The following SLC8A1 variants were observed in gnomAD, a reference collection of about 807,000 sequenced individuals.
The protein encoded by SLC8A1 is solute carrier family 8 member A1.
SLC8A1 carries 18 observed loss-of-function variants against 68.3 expected under a neutral mutation model. The observed-to-expected ratio is 0.26, with a 90% CI of 0.18 to 0.39. The LOEUF (loss-of-function observed/expected upper bound fraction) is 0.39. SLC8A1 is among the 10% of genes least tolerant of loss of function. SLC8A1 has a pLI of 1.00. For synonymous variants in SLC8A1, 475 were observed against 415.5 expected (o/e 1.14, Z -1.74); for missense variants, 985 against 1,156.7 (o/e 0.85, Z 2.15).
chr2:40,440,103 T>C (rs1178570562), intron 1 of SLC8A1, among the ~76,000 whole-genome samples: 1 of 152,150 alleles, frequency 6.6e-6, no homozygotes, highest in Non-Finnish European at 1.5e-5. Context: ...TACAGAAATC[T>C]AGTAGAGAAA....
intron 2 of SLC8A1, among the ~76,000 whole-genome samples, chr2:40,315,730 G>A (rs2074355630): frequency 6.6e-6 from 1 of 151,954 alleles, no homozygotes. Flanking sequence ...TAGCTAAAGT[G>A]CAATCATCTT....
intron 2 of SLC8A1, among the ~76,000 whole-genome samples, chr2:40,334,614 C>A (rs1665339327): frequency 6.6e-6 from 1 of 152,084 alleles, no homozygotes; most frequent in African/African-American, 2.4e-5. Context: ...ACTAAAAGGG[C>A]AGGAATCATG....
chr2:40,289,862 AAAATTAAATTAAATT>A (rs201875232), intron 2 of SLC8A1, among the ~76,000 whole-genome samples: 4 of 151,718 alleles, frequency 2.6e-5, no homozygotes, highest in African/African-American at 9.7e-5. Context: ...CTCAGTCTCA[AAAATTAAATTAAATT>A]AAATTAAATT....
chr2:40,185,048 C>T (rs1395400005), intron 2 of SLC8A1, among the ~76,000 whole-genome samples: 3 of 152,058 alleles, frequency 2.0e-5, no homozygotes, highest in East Asian at 1.9e-4. Context: ...GAAATCAAAG[C>T]ATCTGGGAGA....
chr2:40,312,549 A>G (rs997124132), intron 2 of SLC8A1, among the ~76,000 whole-genome samples: 5 of 152,132 alleles, frequency 3.3e-5, no homozygotes, highest in African/African-American at 1.2e-4. Flanking sequence ...TATAAATATA[A>G]ATAAAATATA....
intron 1 of SLC8A1, among the ~76,000 whole-genome samples, chr2:40,493,287 T>C (rs1705444556): frequency 7.3e-6 from 1 of 136,968 alleles, no homozygotes. Context: ...TAGGTGGGAA[T>C]TGAACAATGA....
chr2:40,185,168 A>G (rs981757644), intron 2 of SLC8A1, among the ~76,000 whole-genome samples: 1 of 152,224 alleles, frequency 6.6e-6, no homozygotes, highest in Non-Finnish European at 1.5e-5. Context: ...TAGGAATGTA[A>G]AATAATGCAG....
intron 1 of SLC8A1, among the ~76,000 whole-genome samples, chr2:40,434,302 T>C (rs1698976391): frequency 6.6e-6 from 1 of 152,226 alleles, no homozygotes; most frequent in Non-Finnish European, 1.5e-5. Flanking sequence ...ATGTAGCTTA[T>C]TGGCAATGAA....
chr2:40,287,779 G>C (rs2068590930), intron 2 of SLC8A1, among the ~76,000 whole-genome samples: 1 of 151,854 alleles, frequency 6.6e-6, no homozygotes, highest in Non-Finnish European at 1.5e-5. Context: ...GAGACATCCT[G>C]GTCCTAGAGG....
intron 7 of SLC8A1, among the ~76,000 whole-genome samples, chr2:40,115,964 G>A (rs2035261809): frequency 2.0e-5 from 3 of 152,312 alleles, no homozygotes; most frequent in Non-Finnish European, 4.4e-5. Flanking sequence ...TCAGAATCAA[G>A]TGGGGTCCTT....
intron 1 of SLC8A1, among the ~76,000 whole-genome samples, chr2:40,449,181 C>CA (rs5830628): frequency 0.25 from 37,226 of 147,682 alleles, 4,947 homozygotes; most frequent in East Asian, 0.48. Context: ...AAAACAACAA[C>CA]AAAAAAAAAC....
chr2:40,220,845 C>T (rs2058223366), intron 2 of SLC8A1, among the ~76,000 whole-genome samples: 1 of 151,682 alleles, frequency 6.6e-6, no homozygotes, highest in African/African-American at 2.4e-5. Flanking sequence ...AGTAAAAGCC[C>T]ACTTCTTAAT....
chr2:40,381,138 C>G (rs974658759), intron 2 of SLC8A1, among the ~76,000 whole-genome samples: 16 of 152,016 alleles, frequency 1.1e-4, no homozygotes, highest in African/African-American at 3.4e-4. Flanking sequence ...CAACAACAAC[C>G]TCAGCTGGTT....
chr2:40,286,959 G>A (rs904515770), intron 2 of SLC8A1, among the ~76,000 whole-genome samples: 1 of 152,184 alleles, frequency 6.6e-6, no homozygotes, highest in Non-Finnish European at 1.5e-5. Context: ...CCATCTGAGT[G>A]CAATTTGAGA....
intron 2 of SLC8A1, among the ~76,000 whole-genome samples, chr2:40,315,294 T>C (rs1331924604): frequency 2.0e-5 from 3 of 151,934 alleles, no homozygotes; most frequent in Non-Finnish European, 4.4e-5. Context: ...TGGTTATCAA[T>C]ACAGTAATAT....
chr2:40,408,019 G>T (rs1227824812), intron 2 of SLC8A1, among the ~76,000 whole-genome samples: 2 of 152,140 alleles, frequency 1.3e-5, no homozygotes, highest in Non-Finnish European at 2.9e-5. Flanking sequence ...TATCCCATAA[G>T]TGATAAAGTC....
chr2:40,415,312 G>C (rs769604292), intron 2 of SLC8A1, among the ~76,000 whole-genome samples: 56 of 151,972 alleles, frequency 3.7e-4, no homozygotes, highest in Non-Finnish European at 7.4e-5. Flanking sequence ...AATTGGTAAC[G>C]GTTTTGACTG....
chr2:40,487,211 C>T (rs1705025534), intron 1 of SLC8A1, among the ~76,000 whole-genome samples: 2 of 152,036 alleles, frequency 1.3e-5, no homozygotes, highest in African/African-American at 4.8e-5. Context: ...ACTGTTAGGC[C>T]TTCCTGAGGA....
intron 2 of SLC8A1, among the ~76,000 whole-genome samples, chr2:40,407,989 G>C (rs79982792): frequency 6.6e-6 from 1 of 152,116 alleles, no homozygotes; most frequent in Non-Finnish European, 1.5e-5. Flanking sequence ...ACATATAACC[G>C]TGTTAGGCAT....
Sources: allele counts gnomAD v4.1 joint callset (sites outside exome capture counted in the v4.1 genomes callset), GRCh38; gene constraint gnomAD v4.1.1; transcripts MANE v1.5; gene names NCBI Gene and HGNC (gene_info 2026-07-23, HGNC 2026-07-21).